Variants in PSD3 observed in about 807,000 individuals in gnomAD.
PSD3 encodes pleckstrin and Sec7 domain containing 3.
In PSD3, 49 loss-of-function variants were observed where a neutral mutation model predicts 105.5. That is an observed-to-expected ratio of 0.46 (90% CI 0.37 to 0.59). The LOEUF is 0.59. PSD3 is among the 20% of genes least tolerant of loss of function. The pLI, the probability that PSD3 is intolerant of heterozygous loss-of-function variation, is 0.00. For missense variants in PSD3, 1,561 were observed against 1,263.8 expected (o/e 1.24, Z -3.57); for synonymous variants, 557 against 457.8 (o/e 1.22, Z -2.77).
At chr8:18,910,654 A>G (rs1352773599) in intron 2 of PSD3, among the ~76,000 whole-genome samples, 47 of 149,970 alleles carry the variant, frequency 3.1e-4, no homozygotes, top group Non-Finnish European at 5.6e-4. Flanking sequence ...AAAAAAAAAA[A>G]AAAAAGAAAA....
rs535563395 is a variant in PSD3 at position 18,640,974 on chromosome 8, G to C, written c.2217-8168C>G. 6.6e-5 allele frequency among the ~76,000 whole-genome samples: 10 copies of C among 152,252 alleles called. No homozygotes were observed. In the East Asian group the frequency reaches 1.9e-3, roughly 29 times the overall value. The stretch of plus-strand genomic sequence containing the variant: ...TCACAGCCTGTAATATGGTTAGGCT[G>C]GGGAGCTCAGCAGGCTTGGTGGCCA... On this transcript the variant is annotated intron_variant, in intron 10 of 15. Coordinates refer to ENST00000327040, the MANE Select transcript of PSD3 (RefSeq NM_015310.4).
chr8:18,976,126 TAC>T (rs1824931914), intron 1 of PSD3, among the ~76,000 whole-genome samples: 3 of 152,194 alleles, frequency 2.0e-5, no homozygotes, highest in Non-Finnish European at 2.9e-5. Context: ...AAATGTAAAA[TAC>T]AGTCATTAAA....
At chr8:18,579,502 C>T (rs1156600898) in intron 12 of PSD3, among the ~76,000 whole-genome samples, 7 of 152,096 alleles carry the variant, frequency 4.6e-5, no homozygotes, top group South Asian at 2.1e-4. Context: ...CAATCTACAT[C>T]GTTTTATGTA....
intron 2 of PSD3, among the ~76,000 whole-genome samples, chr8:18,925,252 G>A (rs551181205): frequency 3.3e-5 from 5 of 152,170 alleles, no homozygotes; most frequent in Non-Finnish European, 5.9e-5. Context: ...AAAGTCAGCC[G>A]GGCATGGTGG....
chr8:18,566,531 A>C (rs919047617), intron 14 of PSD3, among the ~76,000 whole-genome samples: 2 of 27,070 alleles, frequency 7.4e-5, no homozygotes, highest in Non-Finnish European at 3.1e-4. Flanking sequence ...GTCTCAAAAA[A>C]AAAAAAAAAA....
At chr8:18,735,275 T>A (rs1258480720) in intron 9 of PSD3, among the ~76,000 whole-genome samples, 1 of 152,088 alleles carries the variant, frequency 6.6e-6, no homozygotes, top group African/African-American at 2.4e-5. Context: ...GAAATAATGG[T>A]GCCCAAAAAC....
chr8:19,073,550 C>CAAAAAAAAAAAAAAAAAAAAAAA (rs869154642), intron 1 of PSD3, among the ~76,000 whole-genome samples: 1 of 69,126 alleles, frequency 1.4e-5, no homozygotes, highest in Non-Finnish European at 2.5e-5. Context: ...AACTGTCTCT[C>CAAAAAAAAAAAAAAAAAAAAAAA]AAAAAAAAAA....
intron 1 of PSD3, among the ~76,000 whole-genome samples, chr8:19,061,450 C>A (rs189740907): frequency 6.6e-6 from 1 of 151,984 alleles, no homozygotes; most frequent in Non-Finnish European, 1.5e-5. Flanking sequence ...GAATCAGGAG[C>A]GGACAGGTAT....
At chr8:19,081,093 G>A (rs1829631681) in intron 1 of PSD3, among the ~76,000 whole-genome samples, 1 of 152,152 alleles carries the variant, frequency 6.6e-6, no homozygotes, top group Non-Finnish European at 1.5e-5. Flanking sequence ...ATGAGGCCTG[G>A]GAGATGGTTA....
chr8:18,875,519 T>C (rs536979280), intron 2 of PSD3, among the ~76,000 whole-genome samples: 1 of 152,146 alleles, frequency 6.6e-6, no homozygotes, highest in Admixed American at 6.5e-5. Flanking sequence ...TGTACAACTA[T>C]CACCACTATC....
At chr8:18,560,601 T>TA (rs1801339184) in intron 14 of PSD3, among the ~76,000 whole-genome samples, 1 of 152,102 alleles carries the variant, frequency 6.6e-6, no homozygotes, top group South Asian at 2.1e-4. Flanking sequence ...TTGTTGTGGT[T>TA]ATATGTCAAT....
intron 1 of PSD3, among the ~76,000 whole-genome samples, chr8:18,978,809 C>A (rs547509656): frequency 1.3e-5 from 2 of 152,188 alleles, no homozygotes; most frequent in Non-Finnish European, 2.9e-5. Flanking sequence ...CAATCCCTCT[C>A]AATGACAATG....
intron 12 of PSD3, among the ~76,000 whole-genome samples, chr8:18,576,399 C>A (rs1455566400): frequency 6.6e-6 from 1 of 152,048 alleles, no homozygotes; most frequent in Non-Finnish European, 1.5e-5. Context: ...GTGCTATTGA[C>A]AATGACAGTC....
At chr8:18,947,747 T>C (rs192420802) in intron 1 of PSD3, among the ~76,000 whole-genome samples, 140 of 152,308 alleles carry the variant, frequency 9.2e-4, no homozygotes, top group Non-Finnish European at 1.5e-3. Flanking sequence ...ATCCCCCTTC[T>C]AGGAACCGTG....
chr8:18,984,888 A>G (rs573803788), intron 1 of PSD3, among the ~76,000 whole-genome samples: 40 of 152,216 alleles, frequency 2.6e-4, no homozygotes, highest in Admixed American at 1.0e-3. Context: ...AACCAGCTCA[A>G]TGTCACCAGG....
chr8:18,698,535 G>C (rs1028014937), intron 9 of PSD3, among the ~76,000 whole-genome samples: 2 of 152,136 alleles, frequency 1.3e-5, no homozygotes, highest in African/African-American at 4.8e-5. Context: ...TCAAGGAATA[G>C]ACAGCTCTTA....
chr8:18,709,628 C>T (rs886740069), intron 9 of PSD3, among the ~76,000 whole-genome samples: 1 of 152,168 alleles, frequency 6.6e-6, no homozygotes, highest in East Asian at 1.9e-4. Context: ...GGACAGAGTT[C>T]CCAGAGAAAC....
Position 18,528,807 on chromosome 8 carries a change from G to T in PSD3, c.*6936C>A, listed in dbSNP as rs530576744. On this transcript the variant is annotated 3_prime_UTR_variant, in exon 16 of 16. Coordinates refer to ENST00000327040, the MANE Select transcript of PSD3 (RefSeq NM_015310.4). ...TCTCTCCATTAACCAACATTTTCAG[G>T]AATTGAAGTTAGGGTGCTTATTTCT... 1 of 152,748 alleles carries T rather than the reference G, an allele frequency of 6.5e-6. No homozygotes were observed. The highest frequency in any genetic ancestry group is 1.9e-4 in the East Asian group (1 of 5,182). The allele number at this position is 152,748 out of a possible 1,614,324, so 9.5% of individuals were successfully genotyped here.
chr8:18,918,339 G>T (rs1820759274), intron 2 of PSD3, among the ~76,000 whole-genome samples: 1 of 152,150 alleles, frequency 6.6e-6, no homozygotes, highest in Admixed American at 6.5e-5. Flanking sequence ...CCTCTTCCAA[G>T]AAGCCTTCTC....
Sources: allele counts gnomAD v4.1 joint callset (sites outside exome capture counted in the v4.1 genomes callset), GRCh38; gene constraint gnomAD v4.1.1; transcripts MANE v1.5; gene names NCBI Gene and HGNC (gene_info 2026-07-23, HGNC 2026-07-21).